SOS1: variants seen among roughly 807,000 people sequenced by gnomAD.
The protein encoded by SOS1 is son of sevenless homolog 1.
SOS1 carries 25 observed loss-of-function variants against 157.6 expected under a neutral mutation model. The observed-to-expected ratio is 0.16, with a 90% CI of 0.12 to 0.22. The LOEUF (loss-of-function observed/expected upper bound fraction) is 0.22, where lower values mean the gene tolerates loss of function less well. Among genes scored for constraint, SOS1 ranks in the 10% least tolerant of loss-of-function variants. The pLI, the probability that SOS1 is intolerant of heterozygous loss-of-function variation, is 1.00. For synonymous variants in SOS1, 528 were observed against 534.0 expected (o/e 0.99, Z 0.16); for missense variants, 1,237 against 1,599.1 (o/e 0.77, Z 3.86).
chr2:39,108,687 G>C lies in SOS1; in HGVS notation c.87+11649C>G, dbSNP rs142459650. 5.1e-3 allele frequency among the ~76,000 whole-genome samples: 781 copies of C among 152,198 alleles called. 7 individuals are homozygous for C. Among genetic ancestry groups the C allele is most frequent in the African/African-American group, 0.018 (752 of 41,502 alleles). On this transcript the variant is annotated intron_variant, in intron 1 of 22. Transcript: ENST00000402219. ...GAGGATCACTTGAGGCCAGGAGTGT[G>C]AAACCAGCCTGAGTAACACAGTGAG...
intron 6 of SOS1, 59 bp from the exon 7 acceptor site, chr2:39,035,559 T>A: frequency 8.1e-7 from 1 of 1,238,490 alleles, no homozygotes; most frequent in Non-Finnish European, 1.2e-6. Context: ...CAGAAAGATT[T>A]AATTATGGGG....
rs1668450454 is a variant in SOS1 at position 38,983,098 on chromosome 2, T to C, written c.*2726A>G. 6.6e-6 allele frequency: 1 copy of C among 152,180 alleles called. No homozygotes were observed. The highest frequency in any genetic ancestry group is 2.1e-4 in the South Asian group (1 of 4,832). 9.4% of individuals were successfully genotyped at this position (152,180 alleles called of 1,614,324 possible). On this transcript the variant is annotated 3_prime_UTR_variant, in exon 23 of 23. Transcript: ENST00000402219. The stretch of plus-strand genomic sequence containing the variant: ...TAAAATACATCAGCCTTGAAATATT[T>C]TCATTTCTAAAAGAAATGTTCCACA...
At chr2:39,063,981 T>TA (rs1453781345) in intron 2 of SOS1, among the ~76,000 whole-genome samples, 1 of 152,100 alleles carries the variant, frequency 6.6e-6, no homozygotes, top group African/African-American at 2.4e-5. Flanking sequence ...TACAGGCATG[T>TA]AGCCCCATGG....
intron 20 of SOS1, chr2:38,992,376 TAAAC>T (rs1164886091): frequency 6.6e-6 from 1 of 152,198 alleles, no homozygotes; most frequent in Non-Finnish European, 1.5e-5. Context: ...TTCTTTATCA[TAAAC>T]AAAGAGAAAT....
At position 39,028,675 on chromosome 2, in the gene SOS1, T is replaced by A. The variant is rs114877542; in HGVS notation, c.1075-4538A>T. On this transcript the variant is annotated intron_variant, in intron 8 of 22. Coordinates refer to ENST00000402219, the MANE Select transcript of SOS1 (RefSeq NM_005633.4). ...TTGAAAAACCTCAATATTCACTAAATAAAACCTATTCCATAGAACAGGTAA... is the reference window on the plus strand; with the variant it reads ...TTGAAAAACCTCAATATTCACTAAAAAAAACCTATTCCATAGAACAGGTAA... Among the ~76,000 whole-genome samples the A allele has an allele frequency of 5.2e-3, 794 of 152,250 alleles. 8 individuals carry two copies. The highest frequency in any genetic ancestry group is 0.018 in the African/African-American group (762 of 41,556).
rs1297499437 is a variant in SOS1, at chr2:39,014,872, T to TTA, written c.1859-27_1859-26insTA. 3.6e-6 allele frequency: 4 copies of TTA among 1,106,136 alleles called. No homozygotes were observed. In the South Asian group the frequency reaches 5.0e-5, roughly 14 times the overall value. The allele number at this position is 1,106,136 out of a possible 1,614,324, so 68.5% of individuals were successfully genotyped here. A position where few individuals can be genotyped will look rare whatever the true frequency, so the allele number is the denominator to read the frequency against. ...CTAAGAAGAAAAAGGAAAAATATCTTATTAAACTCTATGATTCAAAATGAT... is the reference window on the plus strand; with the variant it reads ...CTAAGAAGAAAAAGGAAAAATATCTTTAATTAAACTCTATGATTCAAAATGAT... On this transcript the variant is annotated intron_variant, in intron 10 of 22. Coordinates refer to ENST00000402219, the MANE Select transcript of SOS1 (RefSeq NM_005633.4).
At chr2:39,121,802 G>A (rs1179959377), upstream of SOS1, among the ~76,000 whole-genome samples, 1 of 152,150 alleles carries the variant, frequency 6.6e-6, no homozygotes, top group East Asian at 1.9e-4. Flanking sequence ...CAATGTTAGT[G>A]GAATGCTAAA....
In SOS1 at chr2:38,990,510, G is replaced by C. The variant is rs139613363; in HGVS notation, c.3347-1196C>G. ...ATTGCCTGGTTGTAAAAGGGAGCCA[G>C]AGATCTGACGTAATAGAGATTAAAG... On this transcript the variant is annotated intron_variant, in intron 20 of 22. Coordinates refer to ENST00000402219, the MANE Select transcript of SOS1 (RefSeq NM_005633.4). 4.3e-3 allele frequency among the ~76,000 whole-genome samples: 648 copies of C among 152,238 alleles called. 3 individuals carry two copies. Among genetic ancestry groups the C allele is most frequent in the African/African-American group, 0.015 (620 of 41,552 alleles).
Position 39,022,995 on chromosome 2 carries a change from G to A in SOS1, c.1433C>T (p.Pro478Leu), listed in dbSNP as rs1553356111. The change falls in exon 10 of 23, where the codon CCA becomes CTA. Residue 478 changes from proline (P) to leucine (L), a missense_variant. Physicochemically the swap from Pro to Leu is moderately conservative, Grantham distance 98. This residue lies in a region of SOS1 where 210 missense variants were observed against 220.2 expected (regional missense o/e 0.95). Coordinates refer to ENST00000402219, the MANE Select transcript of SOS1 (RefSeq NM_005633.4). Reference protein sequence around the residue: ...MICCKSNHGQPRLPGASNAEY... With the variant: ...MICCKSNHGQLRLPGASNAEY... ...TGCATTGCTAGCACCAGGAAGTCTT[G>A]GCTGCCCATGATTTGATTTACAGCA... The A allele has an allele frequency of 6.2e-7, 1 of 1,613,582 alleles. No homozygotes were observed. The highest frequency in any genetic ancestry group is 8.5e-7 in the Non-Finnish European group (1 of 1,179,792).
intron 6 of SOS1, among the ~76,000 whole-genome samples, chr2:39,035,988 A>G (rs1438396507): frequency 6.6e-6 from 1 of 152,220 alleles, no homozygotes; most frequent in East Asian, 1.9e-4. Flanking sequence ...TAATTTCACA[A>G]AACAATTAAA....
At chr2:39,083,516 T>C (rs987983147) in intron 1 of SOS1, among the ~76,000 whole-genome samples, 18 of 151,994 alleles carry the variant, frequency 1.2e-4, no homozygotes, top group African/African-American at 3.4e-4. Context: ...ATGAATAGAG[T>C]AGCTGGAGCA....
rs955716865 is a variant in SOS1, at chr2:39,012,311, T to C, written c.2205A>G (p.Lys735=). The part of the protein sequence containing the change: ...AMKKWVESIT[K]IIQRKKIARD... ...TTGCAATTTTTTTCCTTTGGATTAT[T>C]TTAGTGATGGATTCAACCCATTTTT... is the stretch of plus-strand genomic sequence containing the variant. The change falls in exon 14 of 23, where the codon AAA becomes AAG. Residue 735 remains lysine (K), a synonymous_variant. Coordinates refer to ENST00000402219, the MANE Select transcript of SOS1 (RefSeq NM_005633.4). 6.2e-7 allele frequency: 1 copy of C among 1,611,794 alleles called. No individual in the cohort carries two copies. Among genetic ancestry groups the C allele is most frequent in the Non-Finnish European group, 8.5e-7 (1 of 1,177,998 alleles).
At chr2:39,043,984 G>A (rs933451815) in intron 6 of SOS1, among the ~76,000 whole-genome samples, 1 of 152,136 alleles carries the variant, frequency 6.6e-6, no homozygotes, top group African/African-American at 2.4e-5. Flanking sequence ...GGACATTGAT[G>A]CTACTCTTTT....
At chr2:39,045,860 C>T (rs1451077287) in intron 6 of SOS1, among the ~76,000 whole-genome samples, 2 of 152,126 alleles carry the variant, frequency 1.3e-5, no homozygotes, top group African/African-American at 4.8e-5. Flanking sequence ...AGGTGCACAC[C>T]ACCATGCCCA....
At chr2:39,044,851 TGCGC>T (rs774095006) in intron 6 of SOS1, among the ~76,000 whole-genome samples, 1 of 146,068 alleles carries the variant, frequency 6.8e-6, no homozygotes, top group Non-Finnish European at 1.5e-5. Flanking sequence ...TACACACACA[TGCGC>T]GCGCGCGCGC....
At chr2:39,110,016 A>C (rs1266745416) in intron 1 of SOS1, among the ~76,000 whole-genome samples, 1 of 145,482 alleles carries the variant, frequency 6.9e-6, no homozygotes, top group East Asian at 2.0e-4. Flanking sequence ...TGACAGAGAT[A>C]CAGATACAGT....
chr2:39,091,980 A>G (rs297140), intron 1 of SOS1, among the ~76,000 whole-genome samples: 142,230 of 152,244 alleles, frequency 0.93, 66,546 homozygotes, highest in African/African-American at 0.97. Flanking sequence ...TTCTAAAATA[A>G]TCACTTTGCT....
At chr2:39,013,838 C>A (rs758179338) in intron 12 of SOS1, 29 bp downstream of exon 12, 1 of 1,597,006 alleles carries the variant, frequency 6.3e-7, no homozygotes, top group East Asian at 2.2e-5. Flanking sequence ...TTGATAAAGA[C>A]TTATTTACTT....
chr2:39,006,629 A>G, intron 16 of SOS1, 100 bp from the exon 17 acceptor site: 1 of 742,918 alleles, frequency 1.3e-6, no homozygotes, highest in South Asian at 1.5e-5. Flanking sequence ...AACAGTATCA[A>G]TTTGATTTTA....
Sources: gnomAD v4.1 joint callset for allele counts (sites outside exome capture counted in the v4.1 genomes callset) on GRCh38, gnomAD v4.1.1 for gene constraint, gnomAD v4.1.1 regional missense constraint, MANE v1.5 for transcripts, NCBI Gene and HGNC (gene_info 2026-07-23, HGNC 2026-07-21) for gene names.